Variants in IGF1R observed in about 807,000 individuals in gnomAD.
The protein encoded by IGF1R is insulin like growth factor 1 receptor, also known as insulin-like growth factor 1 receptor.
In IGF1R, 44 loss-of-function variants were observed where a neutral mutation model predicts 144.6. That is an observed-to-expected ratio of 0.30 (90% confidence interval 0.24 to 0.39). The LOEUF (loss-of-function observed/expected upper bound fraction) is 0.39. Among genes scored for constraint, IGF1R ranks in the 10% least tolerant of loss-of-function variants. The pLI is 1.00. For synonymous variants in IGF1R, 795 were observed against 722.8 expected, an observed-to-expected ratio of 1.10 and a Z score of -1.60; for missense variants, 1,355 against 1,833.7, an observed-to-expected ratio of 0.74 and a Z score of 4.77.
chr15:98,675,018 C>A (rs1391463154), intron 1 of IGF1R, among the ~76,000 whole-genome samples: 1 of 94,252 alleles, frequency 1.1e-5, no homozygotes, highest in Non-Finnish European at 1.9e-5. Context: ...AAGTCTTGCT[C>A]TGTTGCCCAG....
At chr15:98,750,368 C>G (rs1180167538) in intron 2 of IGF1R, among the ~76,000 whole-genome samples, 1 of 152,152 alleles carries the variant, frequency 6.6e-6, no homozygotes, top group African/African-American at 2.4e-5. Context: ...TAGGAGGGCC[C>G]CTGGATTTAT....
chr15:98,891,772 G>C lies in IGF1R; in HGVS notation c.953+135G>C. On this transcript the variant is annotated intron_variant, in intron 3 of 20. Coordinates refer to ENST00000650285, the MANE Select transcript of IGF1R (RefSeq NM_000875.5). The surrounding 1 kb of genome is among the most constrained non-coding windows in gnomAD (Gnocchi z 4.7). ...TTCACTGAGGTGGGTCATTTTGAGA[G>C]GGCTGGCTTACCTTAAATGTTTGGT... 1 of 805,898 alleles carries C rather than the reference G, an allele frequency of 1.2e-6. No homozygotes were observed. Among genetic ancestry groups the C allele is most frequent in the Admixed American group, 2.2e-5 (1 of 46,276 alleles). 49.9% of individuals were successfully genotyped at this position (805,898 alleles called of 1,614,324 possible).
At chr15:98,795,403 T>TTTTGTTTTGTTTTGTTTTG (rs2056217264) in intron 2 of IGF1R, among the ~76,000 whole-genome samples, 6 of 151,480 alleles carry the variant, frequency 4.0e-5, no homozygotes, top group African/African-American at 9.7e-5. Flanking sequence ...TCTTTCTTGT[T>TTTTGTTTTGTTTTGTTTTG]TTTTGTTTTG....
At chr15:98,813,860 C>T (rs1472630727) in intron 2 of IGF1R, among the ~76,000 whole-genome samples, 18 of 152,186 alleles carry the variant, frequency 1.2e-4, no homozygotes, top group Admixed American at 1.0e-3. Context: ...GACACACGAA[C>T]CCCTTCCATT....
chr15:98,707,438 A>C lies in IGF1R; in HGVS notation c.95-124A>C. The C allele has an allele frequency of 9.7e-7, 1 of 1,027,004 alleles. No individual in the cohort carries two copies. Among genetic ancestry groups the C allele is most frequent in the South Asian group, 1.4e-5 (1 of 72,396 alleles). 63.6% of individuals were successfully genotyped at this position (1,027,004 alleles called of 1,614,324 possible). A position where few individuals can be genotyped will look rare whatever the true frequency, so the allele number is the denominator to read the frequency against. ...TGCAACCCACAGCTCTGCAGTGAAC[A>C]ATTGAACCTCATTTCTTTAATAATA... is the stretch of plus-strand genomic sequence containing the variant. On this transcript the variant is annotated intron_variant, in intron 1 of 20. Coordinates refer to ENST00000650285, the MANE Select transcript of IGF1R (RefSeq NM_000875.5). This position sits in a 1 kb window ranked among gnomAD's most constrained non-coding sequence, Gnocchi z 6.7.
At chr15:98,954,936 C>A (rs1172636762) in intron 20 of IGF1R, among the ~76,000 whole-genome samples, 8 of 152,116 alleles carry the variant, frequency 5.3e-5, no homozygotes, top group African/African-American at 1.9e-4. Flanking sequence ...CTCCTGGTGG[C>A]CCCAGGGTTA....
At chr15:98,777,515 C>G (rs1384371428) in intron 2 of IGF1R, among the ~76,000 whole-genome samples, 1 of 152,156 alleles carries the variant, frequency 6.6e-6, no homozygotes, top group East Asian at 1.9e-4. Flanking sequence ...CTAAAGAAGT[C>G]CAAGCAAGGA....
intron 14 of IGF1R, 103 bp from the exon 15 acceptor site, chr15:98,930,132 C>A (rs2015882207): frequency 2.4e-6 from 2 of 818,486 alleles, no homozygotes; most frequent in Admixed American, 3.9e-5. Context: ...GTTCTGATAC[C>A]GTGTGAGAGA....
intron 1 of IGF1R, among the ~76,000 whole-genome samples, chr15:98,691,645 G>C (rs1392871101): frequency 6.6e-6 from 1 of 152,102 alleles, no homozygotes; most frequent in Non-Finnish European, 1.5e-5. Flanking sequence ...TTACAGGTGT[G>C]AGCCACCCTG....
chr15:98,945,694 G>C (rs776379786), intron 19 of IGF1R, among the ~76,000 whole-genome samples: 24 of 152,132 alleles, frequency 1.6e-4, no homozygotes, highest in Non-Finnish European at 2.4e-4. Flanking sequence ...CATCTGTAAG[G>C]CAAGGTCTGT....
chr15:98,793,780 C>CT (rs1359022182), intron 2 of IGF1R, among the ~76,000 whole-genome samples: 2 of 152,282 alleles, frequency 1.3e-5, no homozygotes, highest in African/African-American at 4.8e-5. Context: ...AGGAAAAAGA[C>CT]TTTATTAAGA....
At chr15:98,897,278 TAA>T in intron 4 of IGF1R, 1 of 221,196 alleles carries the variant, frequency 4.5e-6, no homozygotes, top group East Asian at 1.1e-4. Context: ...CTTTCAAGTC[TAA>T]AGAGTTTTGG....
intron 2 of IGF1R, among the ~76,000 whole-genome samples, chr15:98,853,283 C>G (rs1036342138): frequency 2.6e-5 from 4 of 152,164 alleles, no homozygotes; most frequent in Non-Finnish European, 5.9e-5. Context: ...ATCAGGTTTC[C>G]CATTTCCAGC....
intron 2 of IGF1R, 63 bp downstream of exon 2, chr15:98,708,170 C>A: frequency 7.1e-7 from 1 of 1,400,456 alleles, no homozygotes; most frequent in Non-Finnish European, 1.0e-6. Flanking sequence ...CCTCCTTGAC[C>A]TCCCTTCTCT....
chr15:98,946,083 A>G (rs570357044), intron 19 of IGF1R, among the ~76,000 whole-genome samples: 1 of 151,904 alleles, frequency 6.6e-6, no homozygotes, highest in South Asian at 2.1e-4. Flanking sequence ...AGTCTTGTGG[A>G]GAAGAGGAGG....
chr15:98,901,500 C>G (rs372208741), intron 5 of IGF1R, among the ~76,000 whole-genome samples: 1 of 152,210 alleles, frequency 6.6e-6, no homozygotes. Flanking sequence ...GGTGTTGAGA[C>G]CGCTAGCAAC....
intron 2 of IGF1R, among the ~76,000 whole-genome samples, chr15:98,773,973 C>T (rs2055652099): frequency 1.3e-5 from 2 of 152,112 alleles, no homozygotes; most frequent in African/African-American, 4.8e-5. Flanking sequence ...GTATTTTTTC[C>T]AGTTTTAAGG....
chr15:98,846,921 T>C (rs1475459630), intron 2 of IGF1R, among the ~76,000 whole-genome samples: 2 of 152,202 alleles, frequency 1.3e-5, no homozygotes, highest in Non-Finnish European at 1.5e-5. Flanking sequence ...CCCGGGAATA[T>C]AGTGTATGGC....
In IGF1R at chr15:98,754,452, AGAAGCT is replaced by A. The variant is rs1457855822; in HGVS notation, c.640+46350_640+46355del. 2.6e-5 allele frequency among the ~76,000 whole-genome samples: 4 copies of A among 152,192 alleles called. No homozygotes were observed. The East Asian group carries it at 7.7e-4, about 29-fold the overall frequency. Reference sequence around the variant, plus strand: ...GTTGCTGCTTTTTAAGTACCAGTTGAGAAGCTGAAGGTTGGTGTTGTGGTTGTGATA... The same window carrying A: ...GTTGCTGCTTTTTAAGTACCAGTTGAGAAGGTTGGTGTTGTGGTTGTGATA... On this transcript the variant is annotated intron_variant, in intron 2 of 20. Transcript: ENST00000650285.
Sources: allele counts gnomAD v4.1 joint callset (sites outside exome capture counted in the v4.1 genomes callset), GRCh38; gene constraint gnomAD v4.1.1; non-coding constraint Gnocchi (gnomAD v3.1); transcripts MANE v1.5; gene names NCBI Gene and HGNC (gene_info 2026-07-23, HGNC 2026-07-21).